Variants in LRRC37A2 observed in about 807,000 individuals in gnomAD.
LRRC37A2 encodes leucine rich repeat containing 37 member A2.
Under a neutral mutation model 68.8 loss-of-function variants are expected in LRRC37A2, and 9 were observed. The observed-to-expected ratio is 0.13, with a 90% CI of 0.08 to 0.23. LRRC37A2 has a LOEUF of 0.23. Ranked by LOEUF, LRRC37A2 falls within the 10% of genes least tolerant of loss-of-function variation. The probability of loss-of-function intolerance (pLI) is 1.00; values close to 1 mark genes in which losing one functional copy is unlikely to be tolerated. For missense variants in LRRC37A2, 168 were observed against 950.4 expected (o/e 0.18, Z 10.82); for synonymous variants, 63 against 367.6 (o/e 0.17, Z 9.48).
chr17:46,833,285 A>G, the LRRC37A2 span: 1 of 479,294 alleles, frequency 2.1e-6, no homozygotes, highest in Non-Finnish European at 4.2e-6. Flanking sequence ...GGCTCCTTCC[A>G]CAAGTTCTAA....
At chr17:46,896,452 A>AAGAAAGAAAGAAAGAAAGAAAG in the LRRC37A2 span, among the ~76,000 whole-genome samples, 1 of 65,834 alleles carries the variant, frequency 1.5e-5, no homozygotes, top group African/African-American at 5.2e-5. Context: ...GAAAGAAAGA[A>AAGAAAGAAAGAAAGAAAGAAAG]AAAGAAAGAA....
the LRRC37A2 span, chr17:46,769,819 C>G: frequency 8.7e-6 from 14 of 1,612,706 alleles, no homozygotes; most frequent in Non-Finnish European, 1.2e-5. Context: ...TGTTCATGGC[C>G]GAGCGCGCGT....
the LRRC37A2 span, among the ~76,000 whole-genome samples, chr17:46,862,163 C>CAAAAAAAAAAAA: frequency 2.5e-5 from 2 of 80,254 alleles, no homozygotes; most frequent in Admixed American, 1.3e-4. Flanking sequence ...AACTCCGTCT[C>CAAAAAAAAAAAA]AAAAAAAAAA....
chr17:46,761,550 G>T, the LRRC37A2 span, among the ~76,000 whole-genome samples: 1 of 151,944 alleles, frequency 6.6e-6, no homozygotes. Flanking sequence ...GGCCAAGCTG[G>T]TCTCGAACTC....
the LRRC37A2 span, among the ~76,000 whole-genome samples, chr17:46,852,547 G>A: frequency 2.0e-4 from 30 of 149,568 alleles, 2 homozygotes; most frequent in African/African-American, 6.9e-4. Flanking sequence ...GGAATGTTTG[G>A]AGCAAAAGTT....
At chr17:46,556,645 ACG>A (rs1243076265), downstream of LRRC37A2, 3 of 6,262 alleles carry the variant, frequency 4.8e-4, no homozygotes, top group South Asian at 6.1e-3. Flanking sequence ...AGAACAAAGG[ACG>A]CTTCTATCAC....
the LRRC37A2 span, among the ~76,000 whole-genome samples, chr17:46,988,613 G>C: frequency 2.8e-3 from 422 of 152,310 alleles, 1 homozygote; most frequent in African/African-American, 9.8e-3. Flanking sequence ...GCCTTCACTG[G>C]GAGTGAACAA....
the LRRC37A2 span, among the ~76,000 whole-genome samples, chr17:46,726,269 G>A: frequency 6.6e-6 from 1 of 152,190 alleles, no homozygotes; most frequent in Non-Finnish European, 1.5e-5. Context: ...AGATACCAGA[G>A]ACCAGTGTGA....
chr17:46,995,090 T>C, the LRRC37A2 span, among the ~76,000 whole-genome samples: 3 of 152,250 alleles, frequency 2.0e-5, no homozygotes, highest in South Asian at 4.2e-4. Flanking sequence ...GCCACTGCCC[T>C]CCAGTCTGGG....
chr17:46,404,941 G>A, the LRRC37A2 span, among the ~76,000 whole-genome samples: 1 of 101,282 alleles, frequency 9.9e-6, no homozygotes, highest in African/African-American at 3.3e-5. Context: ...AGTGGCTCAC[G>A]CCTGTAATCC....
chr17:46,904,987 C>T, the LRRC37A2 span, among the ~76,000 whole-genome samples: 1 of 152,286 alleles, frequency 6.6e-6, no homozygotes, highest in South Asian at 2.1e-4. Flanking sequence ...GCTGTGGGAT[C>T]TTTCAGCAGG....
chr17:46,951,231 G>A, the LRRC37A2 span, among the ~76,000 whole-genome samples: 1 of 152,170 alleles, frequency 6.6e-6, no homozygotes, highest in Admixed American at 6.5e-5. Context: ...GGCTTGGCTG[G>A]AACGGCGGGT....
At chr17:46,750,437 G>A in the LRRC37A2 span, among the ~76,000 whole-genome samples, 149,583 of 152,326 alleles carry the variant, frequency 0.98, 73,499 homozygotes, top group East Asian at 1. Flanking sequence ...TAGGTTGAGC[G>A]TCTCTAATCT....
chr17:46,533,867 A>G (rs1641107540), intron 6 of LRRC37A2, among the ~76,000 whole-genome samples: 2 of 99,710 alleles, frequency 2.0e-5, no homozygotes, highest in Non-Finnish European at 3.7e-5. Flanking sequence ...TTCTAGCAAC[A>G]AAGTCTCTCA....
the LRRC37A2 span, among the ~76,000 whole-genome samples, chr17:46,844,444 G>A: frequency 4.6e-5 from 7 of 151,636 alleles, no homozygotes; most frequent in Non-Finnish European, 1.0e-4. Flanking sequence ...TCAGGAAAAC[G>A]TGCTATGGTC....
the LRRC37A2 span, among the ~76,000 whole-genome samples, chr17:46,809,975 C>T: frequency 6.6e-6 from 1 of 151,038 alleles, no homozygotes; most frequent in African/African-American, 2.4e-5. Flanking sequence ...CAGGGACTAG[C>T]TCTTATTCCT....
At chr17:46,806,496 A>C in the LRRC37A2 span, among the ~76,000 whole-genome samples, 1 of 152,142 alleles carries the variant, frequency 6.6e-6, no homozygotes, top group African/African-American at 2.4e-5. Flanking sequence ...GGCGTGAGCC[A>C]CCGCGCCCAG....
chr17:46,924,326 T>A, the LRRC37A2 span: 1 of 153,192 alleles, frequency 6.5e-6, no homozygotes, highest in Non-Finnish European at 1.5e-5. Context: ...AATATTCCGT[T>A]TTATGTGTCT....
the LRRC37A2 span, chr17:46,931,241 C>G: frequency 2.0e-6 from 2 of 982,952 alleles, no homozygotes; most frequent in South Asian, 2.6e-5. Flanking sequence ...CTCTGATACT[C>G]CAGGCCCATC....
Sources: gnomAD v4.1 joint callset for allele counts (sites outside exome capture counted in the v4.1 genomes callset) on GRCh38, gnomAD v4.1.1 for gene constraint, MANE v1.5 for transcripts, NCBI Gene and HGNC (gene_info 2026-07-23, HGNC 2026-07-21) for gene names.